The following ZFPM2 variants were observed in gnomAD, a reference collection of about 807,000 sequenced individuals.
The protein encoded by ZFPM2 is zinc finger protein ZFPM2.
ZFPM2 carries 20 observed loss-of-function variants against 98.6 expected under a neutral mutation model. The observed-to-expected ratio is 0.20, with a 90% CI of 0.14 to 0.29. The LOEUF (loss-of-function observed/expected upper bound fraction) is 0.29. ZFPM2 is among the 10% of genes least tolerant of loss of function. The pLI, the probability that ZFPM2 is intolerant of heterozygous loss-of-function variation, is 1.00. For missense variants in ZFPM2, 1,310 were observed against 1,388.6 expected (o/e 0.94, Z 0.90); for synonymous variants, 518 against 502.7 (o/e 1.03, Z -0.41).
At chr8:105,598,686 T>TACA (rs1199321675) in intron 4 of ZFPM2, among the ~76,000 whole-genome samples, 15 of 152,274 alleles carry the variant, frequency 9.9e-5, no homozygotes, top group African/African-American at 3.4e-4. Context: ...ATTTGCCTCC[T>TACA]TGTTCCTACA....
chr8:105,368,992 A>G (rs1386330697), intron 1 of ZFPM2, among the ~76,000 whole-genome samples: 1 of 152,126 alleles, frequency 6.6e-6, no homozygotes, highest in Non-Finnish European at 1.5e-5. Context: ...CTCAACATTA[A>G]CTTTGTAATG....
intron 1 of ZFPM2, among the ~76,000 whole-genome samples, chr8:105,330,019 A>T (rs1812181980): frequency 6.6e-6 from 1 of 151,726 alleles, no homozygotes; most frequent in Non-Finnish European, 1.5e-5. Context: ...GTTTGAACAT[A>T]ATTAACAGGA....
At chr8:105,682,682 TCA>T (rs1810636689) in intron 5 of ZFPM2, among the ~76,000 whole-genome samples, 1 of 152,110 alleles carries the variant, frequency 6.6e-6, no homozygotes, top group Non-Finnish European at 1.5e-5. Flanking sequence ...TGGCCAGAAC[TCA>T]GTCATATGCT....
chr8:105,546,368 G>A (rs1219479702), intron 3 of ZFPM2, among the ~76,000 whole-genome samples: 2 of 151,892 alleles, frequency 1.3e-5, no homozygotes, highest in Admixed American at 1.3e-4. Flanking sequence ...TCTGAGGCCG[G>A]GAGTTCAAGA....
At chr8:105,655,710 A>C (rs1362869726) in intron 5 of ZFPM2, among the ~76,000 whole-genome samples, 3 of 152,212 alleles carry the variant, frequency 2.0e-5, no homozygotes, top group African/African-American at 7.2e-5. Context: ...TAGGGTTCAG[A>C]AGAGTGTCTA....
chr8:105,549,347 A>T (rs1814788297), intron 3 of ZFPM2, among the ~76,000 whole-genome samples: 1 of 152,200 alleles, frequency 6.6e-6, no homozygotes, highest in African/African-American at 2.4e-5. Flanking sequence ...AAGCGAGGGC[A>T]TGAGATTTTC....
intron 1 of ZFPM2, among the ~76,000 whole-genome samples, chr8:105,416,387 G>C (rs2130065325): frequency 6.6e-6 from 1 of 151,460 alleles, no homozygotes; most frequent in East Asian, 1.9e-4. Context: ...TTCTAAAAAA[G>C]TACCTATGTC....
intron 3 of ZFPM2, among the ~76,000 whole-genome samples, chr8:105,552,731 C>T (rs1486526749): frequency 6.6e-6 from 1 of 151,854 alleles, no homozygotes; most frequent in East Asian, 1.9e-4. Context: ...TGAACATGGC[C>T]TCTGAATATA....
chr8:105,420,421 C>T (rs1238903630), intron 2 of ZFPM2, among the ~76,000 whole-genome samples: 1 of 151,982 alleles, frequency 6.6e-6, no homozygotes, highest in Non-Finnish European at 1.5e-5. Context: ...TCAGTCAGCT[C>T]CCATCCCTGT....
intron 1 of ZFPM2, among the ~76,000 whole-genome samples, chr8:105,411,502 A>T (rs1811576443): frequency 6.6e-6 from 1 of 151,912 alleles, no homozygotes; most frequent in African/African-American, 2.4e-5. Flanking sequence ...TAAGTTAATG[A>T]ATAAATACAT....
chr8:105,786,293 C>T (rs1224493392), intron 5 of ZFPM2, among the ~76,000 whole-genome samples: 1 of 152,142 alleles, frequency 6.6e-6, no homozygotes, highest in Non-Finnish European at 1.5e-5. Flanking sequence ...GTGTCAGTTA[C>T]TCAGTCCTCT....
intron 4 of ZFPM2, among the ~76,000 whole-genome samples, chr8:105,622,796 T>G (rs534766156): frequency 1.3e-5 from 2 of 152,300 alleles, no homozygotes; most frequent in Non-Finnish European, 2.9e-5. Flanking sequence ...TCCTTCTGCA[T>G]CTGTTGATTT....
At chr8:105,748,513 G>C (rs1043792756) in intron 5 of ZFPM2, among the ~76,000 whole-genome samples, 5 of 151,994 alleles carry the variant, frequency 3.3e-5, no homozygotes, top group African/African-American at 7.2e-5. Context: ...AGAAGAATAG[G>C]ATGCTGAGTT....
intron 5 of ZFPM2, among the ~76,000 whole-genome samples, chr8:105,727,390 A>G (rs1282641663): frequency 1.3e-5 from 2 of 151,880 alleles, no homozygotes; most frequent in Non-Finnish European, 2.9e-5. Flanking sequence ...ACATAAATAA[A>G]TAAAGCATAA....
intron 5 of ZFPM2, among the ~76,000 whole-genome samples, chr8:105,758,204 C>T (rs144564948): frequency 1.9e-3 from 289 of 152,112 alleles, no homozygotes; most frequent in Non-Finnish European, 3.1e-3. Flanking sequence ...TATGCTTCAG[C>T]GGAAATAATC....
At position 105,802,461 on chromosome 8, in the gene ZFPM2, A is replaced by C; in HGVS notation, c.2379A>C (p.Gly793=). 1 of 1,613,616 alleles carries C rather than the reference A, an allele frequency of 6.2e-7. No homozygotes were observed. The highest frequency in any genetic ancestry group is 8.5e-7 in the Non-Finnish European group (1 of 1,179,754). ...ACCCAAGATGTGATATCTTTCCAGG[A>C]ATTGTCTCTAAACACTTGGAAACTT... The part of the protein sequence containing the change: ...CYHPRCDIFP[G]IVSKHLETSL... Residue 793 remains glycine (G), a synonymous_variant, in exon 8 of 8, where the codon GGA becomes GGC. Coordinates refer to ENST00000407775, the MANE Select transcript of ZFPM2 (RefSeq NM_012082.4).
intron 4 of ZFPM2, among the ~76,000 whole-genome samples, chr8:105,581,903 G>T (rs1815609444): frequency 1.3e-5 from 2 of 152,258 alleles, no homozygotes; most frequent in South Asian, 2.1e-4. Flanking sequence ...TCACATCGTT[G>T]TGGGGAAGAT....
intron 5 of ZFPM2, among the ~76,000 whole-genome samples, chr8:105,651,488 C>A (rs1817174932): frequency 2.6e-5 from 4 of 151,678 alleles, no homozygotes; most frequent in Admixed American, 1.3e-4. Context: ...AAAATCCCAC[C>A]TGTCCCTTGC....
rs559548154 is a variant in ZFPM2, at chr8:105,740,544, A to T, written c.533-48174A>T. ...GTGTGTATGCATATATATATATATTATATATATATATATACATGTGTTATA... is the reference window on the plus strand; with the variant it reads ...GTGTGTATGCATATATATATATATTTTATATATATATATACATGTGTTATA... On this transcript the variant is annotated intron_variant, in intron 5 of 7. Coordinates refer to ENST00000407775, the MANE Select transcript of ZFPM2 (RefSeq NM_012082.4). 4.0e-4 allele frequency among the ~76,000 whole-genome samples: 57 copies of T among 141,706 alleles called. 1 individual carries two copies. The highest frequency in any genetic ancestry group is 3.8e-3 in the Middle Eastern group (1 of 262). The allele number at this position is 141,706 out of a possible 152,430, so 93.0% of individuals were successfully genotyped here. A position where few individuals can be genotyped will look rare whatever the true frequency, so the allele number is the denominator to read the frequency against.
Sources: gnomAD v4.1 joint callset for allele counts (sites outside exome capture counted in the v4.1 genomes callset) on GRCh38, gnomAD v4.1.1 for gene constraint, MANE v1.5 for transcripts, NCBI Gene and HGNC (gene_info 2026-07-23, HGNC 2026-07-21) for gene names.